The following TRMT11 variants were observed in gnomAD, a reference collection of about 807,000 sequenced individuals.
TRMT11 encodes the protein tRNA methyltransferase 11.
Under a neutral mutation model 62.8 loss-of-function variants are expected in TRMT11, and 53 were observed. That is an observed-to-expected ratio of 0.84 (90% CI 0.68 to 1.06). The LOEUF (loss-of-function observed/expected upper bound fraction) is 1.06. Ranked by LOEUF, TRMT11 falls within the 50% of genes least tolerant of loss-of-function variation. The pLI is 0.00. For missense variants in TRMT11, 556 were observed against 553.4 expected, an observed-to-expected ratio of 1.00 and a Z score of -0.05; for synonymous variants, 188 against 190.3, an observed-to-expected ratio of 0.99 and a Z score of 0.10.
chr6:126,251,024 T>A, the TRMT11 span, among the ~76,000 whole-genome samples: 1 of 151,440 alleles, frequency 6.6e-6, no homozygotes, highest in South Asian at 2.1e-4. Flanking sequence ...TTTTTTTTTT[T>A]AATTTTCAAT....
chr6:126,070,728 A>G (rs755568099), intron 17 of TRMT11, among the ~76,000 whole-genome samples: 19 of 152,238 alleles, frequency 1.2e-4, no homozygotes, highest in Non-Finnish European at 2.4e-4. Flanking sequence ...TGTATTCAGC[A>G]TTTACTGAAA....
At chr6:126,192,153 C>T (rs1355606196) in intron 1 of TRMT11, among the ~76,000 whole-genome samples, 1 of 151,944 alleles carries the variant, frequency 6.6e-6, no homozygotes, top group Non-Finnish European at 1.5e-5. Flanking sequence ...CTTGAAGAGA[C>T]CTTTCACTTA....
At chr6:126,112,594 G>A (rs1443990370) in intron 17 of TRMT11, among the ~76,000 whole-genome samples, 1 of 152,036 alleles carries the variant, frequency 6.6e-6, no homozygotes, top group African/African-American at 2.4e-5. Context: ...TGCAATGATC[G>A]GTTGTAGTAA....
At chr6:126,109,871 T>C (rs1161695157) in intron 17 of TRMT11, among the ~76,000 whole-genome samples, 1 of 152,152 alleles carries the variant, frequency 6.6e-6, no homozygotes, top group Non-Finnish European at 1.5e-5. Context: ...AACTTGGTAC[T>C]CTAACTCCAG....
intron 17 of TRMT11, among the ~76,000 whole-genome samples, chr6:126,092,638 A>T (rs1777289763): frequency 6.6e-6 from 1 of 152,066 alleles, no homozygotes; most frequent in Non-Finnish European, 1.5e-5. Flanking sequence ...AGAGAACACA[A>T]TGAATACAAC....
intron 9 of TRMT11, 37 bp from the exon 10 acceptor site, chr6:126,012,734 C>CAAAA (rs1562262960): frequency 6.4e-7 from 1 of 1,554,026 alleles, no homozygotes; most frequent in East Asian, 2.2e-5. Context: ...GATTTGGTGA[C>CAAAA]TTTTGACTAT....
the TRMT11 span, among the ~76,000 whole-genome samples, chr6:126,220,117 A>G: frequency 6.6e-6 from 1 of 152,172 alleles, no homozygotes; most frequent in African/African-American, 2.4e-5. Context: ...CGGATGATGG[A>G]GAATCATGTC....
Position 126,193,371 on chromosome 6 carries a change from A to G in TRMT11, n.144-5428A>G, listed in dbSNP as rs1778626048. 2.0e-5 allele frequency among the ~76,000 whole-genome samples: 3 copies of G among 147,594 alleles called. No homozygotes were observed. The South Asian group carries it at 6.4e-4, about 31-fold the overall frequency. The stretch of plus-strand genomic sequence containing the variant: ...TTTATATTTTTTAAGTGTCATTTTT[A>G]TTTATTTCTGCTCTGATCTCTAATA... On this transcript the variant is annotated intron_variant and non_coding_transcript_variant, in intron 1 of 3. Transcript: ENST00000444229.
chr6:126,123,015 G>A (rs1041422258), intron 21 of TRMT11, among the ~76,000 whole-genome samples: 8 of 152,050 alleles, frequency 5.3e-5, no homozygotes, highest in South Asian at 2.1e-4. Flanking sequence ...CTCCAGAACC[G>A]AAACCAGTTG....
At chr6:126,116,279 A>G (rs1777586008) in intron 21 of TRMT11, among the ~76,000 whole-genome samples, 1 of 152,034 alleles carries the variant, frequency 6.6e-6, no homozygotes, top group Non-Finnish European at 1.5e-5. Flanking sequence ...AGATGCTAGA[A>G]TGAAGAGGTG....
intron 17 of TRMT11, among the ~76,000 whole-genome samples, chr6:126,074,183 ATAATT>A (rs1291751431): frequency 6.6e-6 from 1 of 152,220 alleles, no homozygotes; most frequent in Admixed American, 6.5e-5. Flanking sequence ...TCCTTAACAA[ATAATT>A]TAATAGTGAA....
intron 21 of TRMT11, among the ~76,000 whole-genome samples, chr6:126,163,501 G>A (rs886438463): frequency 4.6e-5 from 7 of 152,128 alleles, no homozygotes; most frequent in East Asian, 3.9e-4. Flanking sequence ...CAGGGATATC[G>A]GCCTGAAATT....
At chr6:126,061,249 C>T (rs868010745) in intron 17 of TRMT11, among the ~76,000 whole-genome samples, 4 of 152,258 alleles carry the variant, frequency 2.6e-5, no homozygotes, top group South Asian at 2.1e-4. Context: ...ACAAGATGCC[C>T]GGGTGATTTC....
chr6:126,018,802 G>A (rs1323529791), intron 11 of TRMT11, among the ~76,000 whole-genome samples: 2 of 152,154 alleles, frequency 1.3e-5, no homozygotes, highest in Non-Finnish European at 2.9e-5. Flanking sequence ...ATAGATTTAT[G>A]CCTTCTACTT....
chr6:126,201,610 C>T (rs1778735226), intron 3 of TRMT11, among the ~76,000 whole-genome samples: 2 of 152,222 alleles, frequency 1.3e-5, no homozygotes, highest in Non-Finnish European at 2.9e-5. Context: ...CTATCCTTCT[C>T]CACTCATCCA....
At chr6:126,004,781 C>T (rs935968779) in intron 7 of TRMT11, among the ~76,000 whole-genome samples, 1 of 151,904 alleles carries the variant, frequency 6.6e-6, no homozygotes, top group Non-Finnish European at 1.5e-5. Flanking sequence ...ACTCATGGTT[C>T]GTGATTTTTC....
intron 2 of TRMT11, among the ~76,000 whole-genome samples, chr6:125,995,404 T>C (rs1449156390): frequency 3.9e-5 from 6 of 152,150 alleles, no homozygotes; most frequent in Non-Finnish European, 7.4e-5. Context: ...GGTGTTGGGA[T>C]AGAGGATTGG....
chr6:126,141,084 A>G (rs113623468), intron 21 of TRMT11, among the ~76,000 whole-genome samples: 7 of 152,200 alleles, frequency 4.6e-5, no homozygotes, highest in Non-Finnish European at 8.8e-5. Context: ...GTATTAATAT[A>G]TGCCCTTTGC....
the TRMT11 span, among the ~76,000 whole-genome samples, chr6:126,217,931 TCTA>T: frequency 6.6e-6 from 1 of 152,028 alleles, no homozygotes; most frequent in East Asian, 1.9e-4. Context: ...AATTCTCTAT[TCTA>T]CTGCAGCTGA....
Sources: allele counts gnomAD v4.1 joint callset (sites outside exome capture counted in the v4.1 genomes callset), GRCh38; gene constraint gnomAD v4.1.1; transcripts MANE v1.5; gene names NCBI Gene and HGNC (gene_info 2026-07-23, HGNC 2026-07-21).